SLC4A10: variants seen among roughly 807,000 people sequenced by gnomAD.
SLC4A10 encodes solute carrier family 4 member 10.
SLC4A10 carries 42 observed loss-of-function variants against 137.7 expected under a neutral mutation model. That is an observed-to-expected ratio of 0.30 (90% CI 0.24 to 0.39). The LOEUF is 0.39. Ranked by LOEUF, SLC4A10 falls within the 10% of genes least tolerant of loss-of-function variation. The probability of loss-of-function intolerance (pLI) is 1.00; values close to 1 mark genes in which losing one functional copy is unlikely to be tolerated. For synonymous variants in SLC4A10, 474 were observed against 464.1 expected, an observed-to-expected ratio of 1.02 and a Z score of -0.27; for missense variants, 925 against 1,355.0, an observed-to-expected ratio of 0.68 and a Z score of 4.98.
At chr2:161,679,575 A>AT (rs541487288) in intron 1 of SLC4A10, among the ~76,000 whole-genome samples, 97 of 151,804 alleles carry the variant, frequency 6.4e-4, no homozygotes, top group African/African-American at 1.9e-3. Flanking sequence ...ACCTTTAGAG[A>AT]TTTTTTCCCT....
At chr2:161,750,104 T>C (rs2048806681) in intron 1 of SLC4A10, among the ~76,000 whole-genome samples, 1 of 151,854 alleles carries the variant, frequency 6.6e-6, no homozygotes, top group Non-Finnish European at 1.5e-5. Flanking sequence ...GTCTTCTCTT[T>C]CATTTCTGAC....
At chr2:161,840,331 G>C (rs1217055213) in intron 4 of SLC4A10, among the ~76,000 whole-genome samples, 2 of 152,116 alleles carry the variant, frequency 1.3e-5, no homozygotes, top group Non-Finnish European at 2.9e-5. Context: ...TTTATGTACA[G>C]TCCTGGATTT....
intron 1 of SLC4A10, among the ~76,000 whole-genome samples, chr2:161,750,125 T>A (rs1319118722): frequency 6.6e-6 from 1 of 151,844 alleles, no homozygotes; most frequent in Non-Finnish European, 1.5e-5. Context: ...TGTATTTATT[T>A]GAGTCTTCTC....
At chr2:161,716,544 A>G (rs2044898902) in intron 1 of SLC4A10, among the ~76,000 whole-genome samples, 1 of 152,044 alleles carries the variant, frequency 6.6e-6, no homozygotes, top group South Asian at 2.1e-4. Flanking sequence ...AATTTTCTGC[A>G]CTATTTATTA....
chr2:161,930,956 G>A (rs575434495), intron 15 of SLC4A10, among the ~76,000 whole-genome samples: 2 of 120,242 alleles, frequency 1.7e-5, no homozygotes, highest in Non-Finnish European at 3.8e-5. Flanking sequence ...TTTTTAAGAC[G>A]CGTCTCGCTC....
At chr2:161,780,866 A>G (rs2052929506) in intron 2 of SLC4A10, among the ~76,000 whole-genome samples, 1 of 152,068 alleles carries the variant, frequency 6.6e-6, no homozygotes, top group South Asian at 2.1e-4. Flanking sequence ...ATAGGAAGAG[A>G]TAATATGTTT....
At chr2:161,730,378 G>T (rs1426732231) in intron 1 of SLC4A10, among the ~76,000 whole-genome samples, 2 of 152,058 alleles carry the variant, frequency 1.3e-5, no homozygotes, top group Non-Finnish European at 2.9e-5. Flanking sequence ...GGTTTCATTT[G>T]TCCATTCATT....
At chr2:161,768,467 TG>T (rs756413957) in intron 1 of SLC4A10, among the ~76,000 whole-genome samples, 4 of 152,054 alleles carry the variant, frequency 2.6e-5, no homozygotes, top group African/African-American at 7.2e-5. Context: ...TACAAATTTT[TG>T]GCAATGTAGC....
intron 1 of SLC4A10, among the ~76,000 whole-genome samples, chr2:161,701,489 A>G (rs1381263849): frequency 6.6e-6 from 1 of 151,970 alleles, no homozygotes; most frequent in African/African-American, 2.4e-5. Flanking sequence ...TATATTTGAT[A>G]TTTTGATCCA....
intron 4 of SLC4A10, among the ~76,000 whole-genome samples, chr2:161,840,946 G>A (rs575134684): frequency 1.3e-5 from 2 of 152,256 alleles, no homozygotes; most frequent in East Asian, 1.9e-4. Context: ...CCTGGAGGAG[G>A]CGATTCTTGA....
intron 5 of SLC4A10, among the ~76,000 whole-genome samples, chr2:161,859,717 C>T (rs1431804215): frequency 6.7e-6 from 1 of 149,776 alleles, no homozygotes; most frequent in African/African-American, 2.5e-5. Flanking sequence ...TCCCCTGCCT[C>T]AACCTCCCGA....
intron 10 of SLC4A10, among the ~76,000 whole-genome samples, chr2:161,883,651 A>C (rs948451390): frequency 1.3e-5 from 2 of 152,112 alleles, no homozygotes; most frequent in African/African-American, 2.4e-5. Context: ...GCAGGGCCAC[A>C]ATCCCTTCGA....
At chr2:161,748,271 A>T (rs1052346240) in intron 1 of SLC4A10, among the ~76,000 whole-genome samples, 16 of 152,036 alleles carry the variant, frequency 1.1e-4, no homozygotes, top group African/African-American at 3.9e-4. Context: ...GAAACTTCTT[A>T]GTTTCATGTA....
At chr2:161,935,737 TTTTC>T (rs1274155268) in intron 15 of SLC4A10, among the ~76,000 whole-genome samples, 5 of 152,036 alleles carry the variant, frequency 3.3e-5, no homozygotes, top group African/African-American at 9.7e-5. Flanking sequence ...ATAAGGATAA[TTTTC>T]TTTCTTTCTT....
intron 2 of SLC4A10, among the ~76,000 whole-genome samples, chr2:161,785,154 G>T (rs920888585): frequency 1.3e-5 from 2 of 151,364 alleles, no homozygotes; most frequent in Non-Finnish European, 3.0e-5. Flanking sequence ...TAAATTCCTA[G>T]GAACATAAAA....
At chr2:161,645,623 T>C (rs1187744279) in intron 1 of SLC4A10, among the ~76,000 whole-genome samples, 1 of 152,058 alleles carries the variant, frequency 6.6e-6, no homozygotes, top group African/African-American at 2.4e-5. Flanking sequence ...TTGGTTATTT[T>C]GGATAAAGCC....
chr2:161,867,160 G>A (rs2060810392), intron 6 of SLC4A10, among the ~76,000 whole-genome samples: 1 of 151,886 alleles, frequency 6.6e-6, no homozygotes, highest in Non-Finnish European at 1.5e-5. Flanking sequence ...AGCCCTTAAA[G>A]CAATGTACAC....
chr2:161,906,502 A>G (rs1046708426), intron 15 of SLC4A10, among the ~76,000 whole-genome samples: 23 of 152,214 alleles, frequency 1.5e-4, no homozygotes, highest in African/African-American at 5.3e-4. Context: ...GTGTATCAAC[A>G]GTCTGAAATG....
rs968484036 is a variant in SLC4A10, at chr2:161,934,992, CA to C, written c.1998-7791del. Among the ~76,000 whole-genome samples the C allele has an allele frequency of 4.6e-5, 7 of 150,682 alleles. No homozygotes were observed. In the South Asian group the frequency reaches 6.3e-4, roughly 14 times the overall value. On this transcript the variant is annotated intron_variant, in intron 15 of 26. Coordinates refer to ENST00000446997, the MANE Select transcript of SLC4A10 (RefSeq NM_001178015.2). ...CCAGTCTGTGATTTGGGGTTAAATC[CA>C]AAAAAAAATTATGCAGACAAATGGC...
Sources: allele counts gnomAD v4.1 joint callset (sites outside exome capture counted in the v4.1 genomes callset), GRCh38; gene constraint gnomAD v4.1.1; transcripts MANE v1.5; gene names NCBI Gene and HGNC (gene_info 2026-07-23, HGNC 2026-07-21).